SUPT20H: variants seen among roughly 807,000 people sequenced by gnomAD.
The protein encoded by SUPT20H is SPT20 homolog, SAGA complex component.
A neutral mutation model predicts 122.8 loss-of-function variants in SUPT20H; 82 were observed. The ratio of observed to expected loss-of-function variants is 0.67; its 90% CI spans 0.56 to 0.80. The LOEUF (loss-of-function observed/expected upper bound fraction) is 0.80. Among genes scored for constraint, SUPT20H ranks in the 30% least tolerant of loss-of-function variants. The pLI is 0.00. For missense variants in SUPT20H, 831 were observed against 921.6 expected (o/e 0.90, Z 1.27); for synonymous variants, 291 against 313.0 (o/e 0.93, Z 0.74).
intron 21 of SUPT20H, 85 bp downstream of exon 21, chr13:37,021,363 C>T (rs1488594027): frequency 1.5e-6 from 2 of 1,319,712 alleles, no homozygotes; most frequent in South Asian, 3.4e-5. Flanking sequence ...ACATTAAATG[C>T]CTTTAGCATT....
intron 13 of SUPT20H, among the ~76,000 whole-genome samples, chr13:37,029,437 G>A (rs746614448): frequency 1.3e-5 from 2 of 152,110 alleles, no homozygotes; most frequent in Admixed American, 6.5e-5. Flanking sequence ...GCTGAGGCAG[G>A]AGAATTGCTT....
At chr13:37,044,246 A>C in intron 6 of SUPT20H, 65 bp from the exon 7 acceptor site, 1 of 1,291,740 alleles carries the variant, frequency 7.7e-7, no homozygotes, top group South Asian at 1.4e-5. Flanking sequence ...TATAATTCAA[A>C]TGGCTTTTCA....
intron 24 of SUPT20H, chr13:37,010,996 G>A (rs1422583498): frequency 5.7e-6 from 1 of 174,296 alleles, no homozygotes; most frequent in East Asian, 1.4e-4. Flanking sequence ...AGTAGGAGAA[G>A]GGAGATGGAA....
At position 37,040,693 on chromosome 13, in the gene SUPT20H, C is replaced by T. The variant is rs1473155104; in HGVS notation, c.397-1G>A. 6.2e-7 allele frequency: 1 copy of T among 1,610,978 alleles called. No individual in the cohort carries two copies. The highest frequency in any genetic ancestry group is 1.1e-5 in the South Asian group (1 of 90,208). On this transcript the variant is annotated splice_acceptor_variant, in intron 7 of 25. Coordinates refer to ENST00000350612, the MANE Select transcript of SUPT20H (RefSeq NM_001014286.3). LOFTEE classifies it high-confidence loss of function. ...CACATCCGCAATGAAAAATATTAAC[C>T]TGTTTGGGCAAAAATACGTAAACGT... is the stretch of plus-strand genomic sequence containing the variant.
rs574643450 is a variant in SUPT20H, at chr13:37,046,681, T to A, written c.165+854A>T. Among the ~76,000 whole-genome samples, 32 of 152,266 alleles carry A rather than the reference T, an allele frequency of 2.1e-4. No individual in the cohort carries two copies. In the South Asian group the frequency reaches 5.8e-3, roughly 28 times the overall value. On this transcript the variant is annotated intron_variant, in intron 5 of 25. Coordinates refer to ENST00000350612, the MANE Select transcript of SUPT20H (RefSeq NM_001014286.3). The stretch of plus-strand genomic sequence containing the variant: ...TTAGTTCTGTCACTGACATGATGAA[T>A]ATGTACATTCTATTGCTTGTAGTGA...
chr13:37,052,813 C>T (rs942745750), intron 1 of SUPT20H, among the ~76,000 whole-genome samples: 1 of 152,012 alleles, frequency 6.6e-6, no homozygotes, highest in Non-Finnish European at 1.5e-5. Context: ...CCAGAATCTA[C>T]AAAGAACTTA....
In SUPT20H at chr13:37,028,190, C is replaced by T. The variant is rs753143395; in HGVS notation, c.1109G>A (p.Cys370Tyr). ...DPLYYGKIQPCKADEESDSQM... is the reference protein window; with the variant it reads ...DPLYYGKIQPYKADEESDSQM... ...GCTGTCACTTTCTTCATCTGCTTTA[C>T]ATGGCTGTATTTTACCATAGTAAAG... Residue 370 changes from cysteine to tyrosine, a missense_variant, in exon 14 of 26, where the codon TGT becomes TAT. Coordinates refer to ENST00000350612, the MANE Select transcript of SUPT20H (RefSeq NM_001014286.3). 34 of 1,612,810 alleles carry T rather than the reference C, an allele frequency of 2.1e-5. No individual in the cohort carries two copies. The Admixed American group carries it at 3.0e-4, about 14-fold the overall frequency.
At chr13:37,020,254 C>T (rs1446089006) in intron 21 of SUPT20H, among the ~76,000 whole-genome samples, 3 of 151,700 alleles carry the variant, frequency 2.0e-5, no homozygotes, top group African/African-American at 4.8e-5. Context: ...GTAACACTAG[C>T]GAAGCCTTGT....
intron 7 of SUPT20H, among the ~76,000 whole-genome samples, chr13:37,043,733 TCTTCCTTCTCTAATC>T (rs774090413): frequency 1.3e-4 from 20 of 151,822 alleles, no homozygotes; most frequent in South Asian, 1.2e-3. Context: ...CTGGTTTTCC[TCTTCCTTCTCTAATC>T]CTTCCTTCTC....
At chr13:37,049,354 G>A (rs775412678) in intron 2 of SUPT20H, among the ~76,000 whole-genome samples, 17 of 151,900 alleles carry the variant, frequency 1.1e-4, no homozygotes, top group Non-Finnish European at 2.1e-4. Flanking sequence ...TTTTAGAGAC[G>A]AGGAAAAAAC....
At chr13:37,019,555 T>A (rs1217667731) in intron 21 of SUPT20H, among the ~76,000 whole-genome samples, 158 bp from the exon 22 acceptor site, 1 of 152,328 alleles carries the variant, frequency 6.6e-6, no homozygotes, top group East Asian at 1.9e-4. Flanking sequence ...CAAAAGATTG[T>A]CTTCAATATT....
At chr13:37,024,264 G>A in intron 18 of SUPT20H, 71 bp from the exon 19 acceptor site, 1 of 1,523,366 alleles carries the variant, frequency 6.6e-7, no homozygotes, top group Non-Finnish European at 8.8e-7. Flanking sequence ...ATCAAAATGG[G>A]GCAAAGTTTT....
At chr13:37,021,326 T>C (rs2061432958) in intron 21 of SUPT20H, 122 bp downstream of exon 21, 10 of 1,037,438 alleles carry the variant, frequency 9.6e-6, no homozygotes, top group Non-Finnish European at 1.3e-5. Context: ...GTGAAATATA[T>C]GTGATACAAC....
chr13:37,024,027 TG>T lies in SUPT20H; in HGVS notation c.1591+7del. On this transcript the variant is annotated splice_region_variant and intron_variant, in intron 19 of 25. Coordinates refer to ENST00000350612, the MANE Select transcript of SUPT20H (RefSeq NM_001014286.3). ...AAGATTTAATGAAGAATTTAAGTTA[TG>T]ACTCACTTTGTGATGAGCTGGCAGG... 1 of 1,595,574 alleles carries T rather than the reference TG, an allele frequency of 6.3e-7. No homozygotes were observed. The highest frequency in any genetic ancestry group is 8.5e-7 in the Non-Finnish European group (1 of 1,173,364).
At position 37,016,908 on chromosome 13, in the gene SUPT20H, T is replaced by G. The variant is rs576366534; in HGVS notation, c.1992+337A>C. ...CTTTATTCCAATAGCAACAAAATCC[T>G]AAAAACAGAAAGATAATGATGGGGT... On this transcript the variant is annotated intron_variant, in intron 23 of 25. Transcript: ENST00000350612. Among the ~76,000 whole-genome samples, 188 of 152,278 alleles carry G rather than the reference T, an allele frequency of 1.2e-3. 1 individual carries two copies. In the South Asian group the frequency reaches 0.013, roughly 11 times the overall value.
chr13:37,024,122 A>G lies in SUPT20H; in HGVS notation c.1504T>C (p.Ser502Pro). The G allele has an allele frequency of 1.2e-6, 2 of 1,613,872 alleles. No individual in the cohort carries two copies. Among genetic ancestry groups the G allele is most frequent in the Non-Finnish European group, 1.7e-6 (2 of 1,179,836 alleles). Residue 502 changes from serine (S) to proline (P), a missense_variant, in exon 19 of 26, where the codon TCA (serine) becomes CCA (proline). By Grantham distance (74) the Ser-to-Pro change is moderately conservative. Transcript: ENST00000350612. The part of the protein sequence containing the change: ...SPTPPPSSKP[S>P]SIPRKSSVDL... ...ACAGATGATTTCCGAGGAATACTTG[A>G]TGGCTTAGAAGAAGGAGGAGGAGTT... is the stretch of plus-strand genomic sequence containing the variant.
chr13:37,009,339 A>G lies in SUPT20H; in HGVS notation c.*333T>C, dbSNP rs746414616. On this transcript the variant is annotated 3_prime_UTR_variant, in exon 26 of 26. Coordinates refer to ENST00000350612, the MANE Select transcript of SUPT20H (RefSeq NM_001014286.3). ...TTCAAAACAGATTTGTAAAAATTGT[A>G]TTTGTTAACACTGTGCACAAACGTT... The G allele has an allele frequency of 1.5e-5, 17 of 1,158,258 alleles. No individual in the cohort carries two copies. The highest frequency in any genetic ancestry group is 7.4e-5 in the Admixed American group (4 of 53,700). 71.7% of individuals were successfully genotyped at this position (1,158,258 alleles called of 1,614,324 possible).
At chr13:37,028,457 T>A (rs1342948117) in intron 13 of SUPT20H, 152 bp from the exon 14 acceptor site, 2 of 748,776 alleles carry the variant, frequency 2.7e-6, no homozygotes, top group East Asian at 2.8e-5. Flanking sequence ...AGTCTGCCTA[T>A]GAGAATAAAG....
At chr13:37,019,980 G>C (rs1486832495) in intron 21 of SUPT20H, among the ~76,000 whole-genome samples, 4 of 152,206 alleles carry the variant, frequency 2.6e-5, no homozygotes, top group Admixed American at 6.5e-5. Context: ...TTAAAGCTGG[G>C]GGTGACAAAC....
Sources: gnomAD v4.1 joint callset for allele counts (sites outside exome capture counted in the v4.1 genomes callset) on GRCh38, gnomAD v4.1.1 for gene constraint, MANE v1.5 for transcripts, NCBI Gene and HGNC (gene_info 2026-07-23, HGNC 2026-07-21) for gene names.